TENM3: variants seen among roughly 807,000 people sequenced by gnomAD.
TENM3 encodes the protein teneurin transmembrane protein 3, also known as teneurin-3.
A neutral mutation model predicts 255.1 loss-of-function variants in TENM3; 63 were observed. The observed-to-expected ratio is 0.25, with a 90% confidence interval of 0.20 to 0.30. The LOEUF (loss-of-function observed/expected upper bound fraction) is 0.30, where lower values mean the gene tolerates loss of function less well. TENM3 is among the 10% of genes least tolerant of loss of function. The pLI is 1.00. For synonymous variants in TENM3, 1,306 were observed against 1,322.3 expected (o/e 0.99, Z 0.27); for missense variants, 2,929 against 3,461.1 (o/e 0.85, Z 3.86).
intron 3 of TENM3, among the ~76,000 whole-genome samples, chr4:182,414,149 C>T (rs555578128): frequency 1.7e-4 from 26 of 152,204 alleles, no homozygotes; most frequent in Admixed American, 1.5e-3. Context: ...TAATTTCTTC[C>T]TTTAGACAGT....
chr4:182,628,996 T>TCTA, intron 5 of TENM3, 107 bp downstream of exon 5: 2 of 721,736 alleles, frequency 2.8e-6, no homozygotes, highest in Non-Finnish European at 4.5e-6. Context: ...AGATTATATT[T>TCTA]GGTGGGGGTG....
chr4:181,881,270 C>T, the TENM3 span, among the ~76,000 whole-genome samples: 1 of 152,052 alleles, frequency 6.6e-6, no homozygotes, highest in Non-Finnish European at 1.5e-5. Flanking sequence ...ATGACTCAAT[C>T]AATTATGTTA....
At chr4:182,723,241 A>C in intron 13 of TENM3, among the ~76,000 whole-genome samples, 1 of 152,236 alleles carries the variant, frequency 6.6e-6, no homozygotes, top group Non-Finnish European at 1.5e-5. Context: ...GTGGAAACCT[A>C]GCATGATCCC....
chr4:182,595,256 C>T (rs999264202), intron 3 of TENM3, among the ~76,000 whole-genome samples: 3 of 152,058 alleles, frequency 2.0e-5, no homozygotes, highest in Non-Finnish European at 4.4e-5. Context: ...TTCTTCTTCT[C>T]CATGCAGAGT....
At chr4:181,659,533 C>A in the TENM3 span, among the ~76,000 whole-genome samples, 1 of 152,308 alleles carries the variant, frequency 6.6e-6, no homozygotes, top group East Asian at 1.9e-4. Context: ...GACCAATTTT[C>A]TCAGTGCATT....
the TENM3 span, among the ~76,000 whole-genome samples, chr4:181,642,640 TTTTTGAGTTAATCCA>T: frequency 1.7e-4 from 26 of 152,300 alleles, 1 homozygote; most frequent in South Asian, 2.1e-3. Context: ...TTTGAGTTAA[TTTTTGAGTTAATCCA>T]TTTTGAGTTA....
chr4:182,315,548 C>A lies in TENM3; in HGVS notation c.-75-8398C>A, dbSNP rs143737183. Among the ~76,000 whole-genome samples the A allele has an allele frequency of 6.4e-4, 97 of 152,242 alleles. 2 individuals are homozygous for A. Among genetic ancestry groups the A allele is most frequent in the African/African-American group, 2.2e-3 (93 of 41,554 alleles). On this transcript the variant is annotated intron_variant, in intron 1 of 27. Coordinates refer to ENST00000511685, the MANE Select transcript of TENM3 (RefSeq NM_001080477.4). The stretch of plus-strand genomic sequence containing the variant: ...TTATCACTGGTTTTGAGCAGTTAAA[C>A]ATAACCAAATGCCCTGGTGTAGTTT...
chr4:182,598,915 A>G (rs1041735369), intron 3 of TENM3, among the ~76,000 whole-genome samples: 1 of 152,242 alleles, frequency 6.6e-6, no homozygotes, highest in African/African-American at 2.4e-5. Context: ...TTCACATAGT[A>G]TAATATCTAA....
intron 1 of TENM3, among the ~76,000 whole-genome samples, chr4:182,226,091 G>A (rs1756139297): frequency 6.6e-6 from 1 of 152,068 alleles, no homozygotes; most frequent in Non-Finnish European, 1.5e-5. Flanking sequence ...TTTCCTTGTT[G>A]GAGATTTTAA....
At chr4:181,570,627 GGAAA>G in the TENM3 span, among the ~76,000 whole-genome samples, 128 of 148,896 alleles carry the variant, frequency 8.6e-4, no homozygotes, top group African/African-American at 2.9e-3. Context: ...AAGAAAGAAA[GGAAA>G]GAAAGAGAGA....
chr4:182,742,393 TCTA>T (rs1211303363), intron 18 of TENM3, among the ~76,000 whole-genome samples: 1 of 152,224 alleles, frequency 6.6e-6, no homozygotes, highest in African/African-American at 2.4e-5. Context: ...ACATTGGCCT[TCTA>T]CAACAGTTTT....
chr4:182,678,041 ATTAT>A (rs1755799874), intron 7 of TENM3, among the ~76,000 whole-genome samples: 1 of 152,052 alleles, frequency 6.6e-6, no homozygotes, highest in African/African-American at 2.4e-5. Context: ...TATAATAATA[ATTAT>A]TTATATATAG....
At chr4:182,767,909 C>T (rs1763860864) in intron 22 of TENM3, among the ~76,000 whole-genome samples, 1 of 152,200 alleles carries the variant, frequency 6.6e-6, no homozygotes, top group African/African-American at 2.4e-5. Flanking sequence ...CTGCCCAGAA[C>T]AGGCTTGGTT....
the TENM3 span, among the ~76,000 whole-genome samples, chr4:182,107,056 T>A: frequency 6.6e-6 from 1 of 152,102 alleles, no homozygotes; most frequent in Admixed American, 6.5e-5. Flanking sequence ...TATATTCTAC[T>A]GTATGGAACT....
the TENM3 span, among the ~76,000 whole-genome samples, chr4:181,651,394 G>A: frequency 6.6e-6 from 1 of 152,124 alleles, no homozygotes; most frequent in South Asian, 2.1e-4. Flanking sequence ...GAGGTCAGGA[G>A]ATCGAGACTG....
At chr4:181,768,371 G>C in the TENM3 span, among the ~76,000 whole-genome samples, 1 of 152,132 alleles carries the variant, frequency 6.6e-6, no homozygotes, top group Admixed American at 6.5e-5. Context: ...AGCCCAAAAC[G>C]TCAGTAGTGC....
intron 18 of TENM3, among the ~76,000 whole-genome samples, chr4:182,741,053 G>A (rs1349318732): frequency 1.3e-5 from 2 of 152,122 alleles, no homozygotes; most frequent in African/African-American, 4.8e-5. Flanking sequence ...GTGGGCACCT[G>A]TAATCCCAGC....
chr4:182,579,012 A>G (rs1161233848), intron 3 of TENM3, among the ~76,000 whole-genome samples: 1 of 152,190 alleles, frequency 6.6e-6, no homozygotes, highest in African/African-American at 2.4e-5. Flanking sequence ...CACCTGCCTG[A>G]GATTTGTGTT....
In TENM3 at chr4:182,800,061, G is replaced by T. The variant is rs1224550014; in HGVS notation, c.7810G>T (p.Ala2604Ser). The stretch of plus-strand genomic sequence containing the variant: ...CGTGGAGATGCAGTTCGGCGCGCTG[G>T]CGCTGCACGTGCGCTACGGCATGAC... Reference protein sequence around the residue: ...ADVEMQFGALALHVRYGMTLD... With the variant: ...ADVEMQFGALSLHVRYGMTLD... Residue 2604 changes from alanine to serine, a missense_variant, in exon 28 of 28, where the codon GCG becomes TCG. Physicochemically the swap from Ala to Ser is moderately conservative, Grantham distance 99. This residue lies in a region of TENM3 where 476 missense variants were observed against 480.1 expected (regional missense o/e 0.99). Transcript: ENST00000511685. The T allele has an allele frequency of 1.2e-6, 2 of 1,602,942 alleles. No homozygotes were observed. The highest frequency in any genetic ancestry group is 1.7e-5 in the Admixed American group (1 of 59,010).
Sources: allele counts gnomAD v4.1 joint callset (sites outside exome capture counted in the v4.1 genomes callset), GRCh38; gene constraint gnomAD v4.1.1; regional missense constraint gnomAD v4.1.1; transcripts MANE v1.5; gene names NCBI Gene and HGNC (gene_info 2026-07-23, HGNC 2026-07-21).